SLC22A11: variants seen among roughly 807,000 people sequenced by gnomAD.
SLC22A11 encodes solute carrier family 22 member 11, also known as organic anion transporter 4.
A neutral mutation model predicts 49.4 loss-of-function variants in SLC22A11; 42 were observed. The observed-to-expected ratio is 0.85, with a 90% CI of 0.66 to 1.10. The LOEUF (loss-of-function observed/expected upper bound fraction) is 1.10. Among genes scored for constraint, SLC22A11 ranks in the 50% least tolerant of loss-of-function variants. The pLI is 0.00. For synonymous variants in SLC22A11, 304 were observed against 315.8 expected (o/e 0.96, Z 0.40); for missense variants, 685 against 731.6 (o/e 0.94, Z 0.74).
intron 2 of SLC22A11, among the ~76,000 whole-genome samples, chr11:64,560,699 G>A (rs1344400086): frequency 1.3e-5 from 2 of 152,168 alleles, no homozygotes; most frequent in African/African-American, 4.8e-5. Context: ...TGCCTGGCTG[G>A]CTCAAGGCTT....
Position 64,567,771 on chromosome 11 carries a change from ATGGCCGGCCTCG to A in SLC22A11, c.1232_1243del (p.Met411_Ala415delinsThr), listed in dbSNP as rs761884789. On this transcript the variant is annotated inframe_deletion, in exon 7 of 10. Coordinates refer to ENST00000301891, the MANE Select transcript of SLC22A11 (RefSeq NM_018484.4). Reference sequence around the variant, plus strand: ...CACCATCCAGGCGGGTTCCCAGGCCATGGCCGGCCTCGCCATTCTAGCCAACATGCTGGTGCC... The same window carrying A: ...CACCATCCAGGCGGGTTCCCAGGCCACCATTCTAGCCAACATGCTGGTGCC... 1 of 1,611,512 alleles carries A rather than the reference ATGGCCGGCCTCG, an allele frequency of 6.2e-7. No homozygotes were observed. Among genetic ancestry groups the A allele is most frequent in the East Asian group, 2.2e-5 (1 of 44,874 alleles).
chr11:64,563,610 TAAAAAAAAAAAAAAAA>T (rs869085115), intron 4 of SLC22A11, among the ~76,000 whole-genome samples: 1 of 43,842 alleles, frequency 2.3e-5, no homozygotes, highest in Non-Finnish European at 3.8e-5. Context: ...TTAAATGTGC[TAAAAAAAAAAAAAAAA>T]AAAAAAAAAA....
intron 6 of SLC22A11, among the ~76,000 whole-genome samples, chr11:64,566,978 A>G (rs965649908): frequency 1.3e-5 from 2 of 151,888 alleles, no homozygotes. Context: ...TGAGATGGAG[A>G]AGGGAAGGCA....
At chr11:64,568,619 C>T in intron 7 of SLC22A11, 51 bp from the exon 8 acceptor site, 1 of 1,505,330 alleles carries the variant, frequency 6.6e-7, no homozygotes, top group Non-Finnish European at 9.2e-7. Context: ...CTGACTAGCC[C>T]CTGGGTACCC....
rs1315576235 is a variant in SLC22A11 at position 64,562,717 on chromosome 11, C to T, written c.821+282C>T. ...TAAAAAATACATTTGTAACTAGTTG[C>T]TAACATTTAAAAATCAGAAGATTTT... On this transcript the variant is annotated intron_variant, in intron 4 of 9. Transcript: ENST00000301891. The surrounding 1 kb of genome is among the most constrained non-coding windows in gnomAD (Gnocchi z 4.4). 1.3e-5 allele frequency among the ~76,000 whole-genome samples: 2 copies of T among 152,204 alleles called. No individual in the cohort carries two copies. Among genetic ancestry groups the T allele is most frequent in the Non-Finnish European group, 2.9e-5 (2 of 68,038 alleles).
Position 64,570,995 on chromosome 11 carries a change from C to CA in SLC22A11, c.1607dup (p.Asn538GlnfsTer82), listed in dbSNP as rs1389609091. The stretch of plus-strand genomic sequence containing the variant: ...TTATTCTAGGAAATCAACAGCAGCC[C>CA]AGGGCAACCGGCAAGAGGCCGTCAC... On this transcript the variant is annotated frameshift_variant, in exon 10 of 10. Coordinates refer to ENST00000301891, the MANE Select transcript of SLC22A11 (RefSeq NM_018484.4). LOFTEE classifies it high-confidence loss of function. 2 of 1,614,206 alleles carry CA rather than the reference C, an allele frequency of 1.2e-6. No individual in the cohort carries two copies. Among genetic ancestry groups the CA allele is most frequent in the Non-Finnish European group, 1.7e-6 (2 of 1,180,034 alleles).
intron 2 of SLC22A11, among the ~76,000 whole-genome samples, chr11:64,560,144 C>A (rs1169510091): frequency 1.3e-5 from 2 of 151,614 alleles, no homozygotes; most frequent in African/African-American, 4.9e-5. Flanking sequence ...CCTGCGCTGT[C>A]CCCTGGCCTC....
At position 64,562,037 on chromosome 11, in the gene SLC22A11, C is replaced by T. The variant is rs972933584; in HGVS notation, c.531C>T (p.Cys177=). 3 of 1,613,684 alleles carry T rather than the reference C, an allele frequency of 1.9e-6. No homozygotes were observed. The highest frequency in any genetic ancestry group is 2.5e-6 in the Non-Finnish European group (3 of 1,179,972). ...GGAAGCCGATGCTGAGCTGGTGCTG[C>T]CTGCAGTTGGCCGTGGCGGGCACCA... ...FGRKPMLSWC[C]LQLAVAGTST... Residue 177 remains cysteine (C), a synonymous_variant, in exon 3 of 10, where the codon TGC becomes TGT. Transcript: ENST00000301891. The surrounding 1 kb of genome is among the most constrained non-coding windows in gnomAD (Gnocchi z 4.4).
In SLC22A11 at chr11:64,571,985, A is replaced by C. The variant is rs1466543132; in HGVS notation, c.*943A>C. On this transcript the variant is annotated 3_prime_UTR_variant, in exon 10 of 10. Transcript: ENST00000301891. ...GAAACGGAGCCTTACAAGCGTAGGG[A>C]TAAGAGGAACCCCTCTTGGTCCCCT... 1 of 152,236 alleles carries C rather than the reference A, an allele frequency of 6.6e-6. No individual in the cohort carries two copies. Among genetic ancestry groups the C allele is most frequent in the African/African-American group, 2.4e-5 (1 of 41,462 alleles). 9.4% of individuals were successfully genotyped at this position (152,236 alleles called of 1,614,324 possible).
intron 2 of SLC22A11, among the ~76,000 whole-genome samples, chr11:64,561,573 C>T (rs2038544392): frequency 6.6e-6 from 1 of 152,120 alleles, no homozygotes; most frequent in African/African-American, 2.4e-5. Flanking sequence ...CTCAGCCTCC[C>T]AAGTAGCTGG....
rs142096356 is a variant in SLC22A11, at chr11:64,570,993, C to G, written c.1604C>G (p.Ala535Gly). The G allele has an allele frequency of 2.7e-5, 43 of 1,614,112 alleles. No homozygotes were observed. Among genetic ancestry groups the G allele is most frequent in the Non-Finnish European group, 3.6e-5 (42 of 1,180,044 alleles). ...GATTATTCTAGGAAATCAACAGCAG[C>G]CCAGGGCAACCGGCAAGAGGCCGTC... ...QDLESQKSTA[A>G]QGNRQEAVTV... The change falls in exon 10 of 10, where the codon GCC (alanine) becomes GGC (glycine). Residue 535 changes from alanine (A) to glycine (G), a missense_variant. Coordinates refer to ENST00000301891, the MANE Select transcript of SLC22A11 (RefSeq NM_018484.4).
chr11:64,568,685 G>C lies in SLC22A11; in HGVS notation c.1289G>C (p.Arg430Pro). 6.2e-7 allele frequency: 1 copy of C among 1,614,144 alleles called. No homozygotes were observed. Among genetic ancestry groups the C allele is most frequent in the South Asian group, 1.1e-5 (1 of 91,088 alleles). ...CTGTACCCAGATTTGCAGACCCTGC[G>C]TGTGGTCTTTGCTGTGCTGGGAAAG... ...MLVPQDLQTL[R>P]VVFAVLGKGC... The change falls in exon 8 of 10, where the codon CGT becomes CCT. Residue 430 changes from arginine (R) to proline (P), a missense_variant. By Grantham distance (103) the Arg-to-Pro change is moderately radical (BLOSUM62 -2). Coordinates refer to ENST00000301891, the MANE Select transcript of SLC22A11 (RefSeq NM_018484.4).
Position 64,556,268 on chromosome 11 carries a change from A to G in SLC22A11, c.269A>G (p.Gln90Arg). 1 of 1,613,982 alleles carries G rather than the reference A, an allele frequency of 6.2e-7. No individual in the cohort carries two copies. The highest frequency in any genetic ancestry group is 1.7e-5 in the Admixed American group (1 of 60,024). The change falls in exon 1 of 10, where the codon CAG becomes CGG. Residue 90 changes from glutamine (Q) to arginine (R), a missense_variant. By Grantham distance (43) the Gln-to-Arg change is conservative. Coordinates refer to ENST00000301891, the MANE Select transcript of SLC22A11 (RefSeq NM_018484.4). ...CCCCACCAGTGCCGCCGCTTCCGCC[A>G]GCCACAGTGGCAGCTCTTGGACCCC... The part of the protein sequence containing the change: ...QGPHQCRRFR[Q>R]PQWQLLDPNA...
rs944632479 is a variant in SLC22A11, at chr11:64,572,523, T to G, written c.*1481T>G. The G allele has an allele frequency of 1.3e-5, 2 of 152,382 alleles. No individual in the cohort carries two copies. The highest frequency in any genetic ancestry group is 4.8e-5 in the African/African-American group (2 of 41,446). The allele number at this position is 152,382 out of a possible 1,614,324, so 9.4% of individuals were successfully genotyped here. On this transcript the variant is annotated 3_prime_UTR_variant, in exon 10 of 10. Transcript: ENST00000301891. ...CCCTCAACTCACCTCTTTCACCCTG[T>G]GTACACTGGGTCAATCACTCCTGCC...
At chr11:64,560,002 C>G (rs1000651835) in intron 2 of SLC22A11, among the ~76,000 whole-genome samples, 1 of 151,808 alleles carries the variant, frequency 6.6e-6, no homozygotes, top group Non-Finnish European at 1.5e-5. Flanking sequence ...CTTGCTCCCC[C>G]TCCTCCCGCT....
rs145210367 is a variant in SLC22A11, at chr11:64,559,194, C to T, written c.453C>T (p.Ser151=). 16 of 1,612,222 alleles carry T rather than the reference C, an allele frequency of 9.9e-6. No individual in the cohort carries two copies. The highest frequency in any genetic ancestry group is 4.5e-5 in the East Asian group (2 of 44,720). ...LKPLSQSIFM[S]GILVGSFIWG... is the part of the protein sequence containing the mutation. ...CCCTAAGCCAGTCCATCTTCATGTCCGGGATCCTGGTGGGCTCCTTTATCT... is the reference window on the plus strand; with the variant it reads ...CCCTAAGCCAGTCCATCTTCATGTCTGGGATCCTGGTGGGCTCCTTTATCT... Residue 151 remains serine (S), a synonymous_variant, in exon 2 of 10, where the codon TCC becomes TCT. Coordinates refer to ENST00000301891, the MANE Select transcript of SLC22A11 (RefSeq NM_018484.4).
intron 2 of SLC22A11, among the ~76,000 whole-genome samples, chr11:64,559,813 C>A (rs780011576): frequency 6.6e-6 from 1 of 152,304 alleles, no homozygotes; most frequent in Admixed American, 6.5e-5. Flanking sequence ...GTTAGGGGAA[C>A]AGGGCACAGG....
At position 64,565,786 on chromosome 11, in the gene SLC22A11, G is replaced by A. The variant is rs927354437; in HGVS notation, c.1058+449G>A. The A allele has an allele frequency of 1.2e-5, 4 of 342,744 alleles. No individual in the cohort carries two copies. Among genetic ancestry groups the A allele is most frequent in the Middle Eastern group, 4.2e-4 (1 of 2,376 alleles). 21.2% of individuals were successfully genotyped at this position (342,744 alleles called of 1,614,324 possible). A position where few individuals can be genotyped will look rare whatever the true frequency, so the allele number is the denominator to read the frequency against. ...TCCATGCAACCCCACTTCACTGATG[G>A]GGAAAGAGGATCCCAGAGGGGTAAG... On this transcript the variant is annotated intron_variant, in intron 6 of 9. Transcript: ENST00000301891. This position sits in a 1 kb window ranked among gnomAD's most constrained non-coding sequence, Gnocchi z 4.1.
At chr11:64,558,463 T>C (rs1050672303) in intron 1 of SLC22A11, among the ~76,000 whole-genome samples, 3 of 152,082 alleles carry the variant, frequency 2.0e-5, no homozygotes, top group African/African-American at 7.2e-5. Context: ...GACTTGGGGA[T>C]GGGTGTGGGG....
Sources: gnomAD v4.1 joint callset for allele counts (sites outside exome capture counted in the v4.1 genomes callset) on GRCh38, gnomAD v4.1.1 for gene constraint, Gnocchi (gnomAD v3.1) non-coding constraint, MANE v1.5 for transcripts, NCBI Gene and HGNC (gene_info 2026-07-23, HGNC 2026-07-21) for gene names.